The following TMEM163 variants were observed in gnomAD, a reference collection of about 807,000 sequenced individuals.
The protein encoded by TMEM163 is transmembrane protein 163.
A neutral mutation model predicts 29.3 loss-of-function variants in TMEM163; 17 were observed. That is an observed-to-expected ratio of 0.58 (90% CI 0.40 to 0.87). TMEM163 has a LOEUF of 0.87. Ranked by LOEUF, TMEM163 falls within the 40% of genes least tolerant of loss-of-function variation. The pLI is 0.00. For missense variants in TMEM163, 303 were observed against 381.5 expected, an observed-to-expected ratio of 0.79 and a Z score of 1.71; for synonymous variants, 157 against 160.6, an observed-to-expected ratio of 0.98 and a Z score of 0.17.
chr2:134,498,612 G>A (rs55703835), intron 5 of TMEM163, among the ~76,000 whole-genome samples: 16,400 of 152,148 alleles, frequency 0.11, 1,169 homozygotes, highest in South Asian at 0.2. Flanking sequence ...AATTATAGGC[G>A]TGAGCCACCA....
At chr2:134,683,218 G>C (rs1384328131) in intron 2 of TMEM163, among the ~76,000 whole-genome samples, 1 of 152,166 alleles carries the variant, frequency 6.6e-6, no homozygotes, top group Non-Finnish European at 1.5e-5. Flanking sequence ...ACAACACCAA[G>C]AGTGAGCCCT....
intron 2 of TMEM163, among the ~76,000 whole-genome samples, chr2:134,624,929 T>C (rs1462139319): frequency 6.6e-6 from 1 of 151,932 alleles, no homozygotes; most frequent in Non-Finnish European, 1.5e-5. Flanking sequence ...AAATAAAAAA[T>C]TTAAAAATAA....
At chr2:134,597,559 A>G (rs1375229505) in intron 2 of TMEM163, among the ~76,000 whole-genome samples, 1 of 152,142 alleles carries the variant, frequency 6.6e-6, no homozygotes, top group Non-Finnish European at 1.5e-5. Flanking sequence ...CATCAGGGAT[A>G]TTGGTCTAAA....
intron 2 of TMEM163, among the ~76,000 whole-genome samples, chr2:134,705,021 C>A (rs1311564430): frequency 6.6e-6 from 1 of 151,938 alleles, no homozygotes; most frequent in Non-Finnish European, 1.5e-5. Context: ...ACCAGCCTGG[C>A]CAACATGGCG....
chr2:134,713,681 T>A (rs147415442), intron 1 of TMEM163: 4 of 467,114 alleles, frequency 8.6e-6, no homozygotes, highest in Non-Finnish European at 1.3e-5. Flanking sequence ...CCACAAGACC[T>A]TTCTGTTAGG....
chr2:134,527,239 G>A (rs1680315162), intron 4 of TMEM163, among the ~76,000 whole-genome samples: 1 of 151,878 alleles, frequency 6.6e-6, no homozygotes, highest in African/African-American at 2.4e-5. Flanking sequence ...TCTATACAGT[G>A]TACATGCTTA....
At chr2:134,576,513 G>A (rs892829546) in intron 2 of TMEM163, among the ~76,000 whole-genome samples, 1 of 152,148 alleles carries the variant, frequency 6.6e-6, no homozygotes, top group African/African-American at 2.4e-5. Flanking sequence ...TTGAACAAAT[G>A]GCCCAGCAGG....
At chr2:134,713,674 C>G (rs112281721) in intron 1 of TMEM163, 8 of 470,766 alleles carry the variant, frequency 1.7e-5, no homozygotes, top group Middle Eastern at 3.2e-4. Context: ...TTCCTGCCCA[C>G]AAGACCTTTC....
intron 4 of TMEM163, among the ~76,000 whole-genome samples, chr2:134,536,002 C>T (rs1466964948): frequency 2.6e-5 from 4 of 152,176 alleles, no homozygotes; most frequent in Admixed American, 6.5e-5. Context: ...GGATTATAGG[C>T]ATGAGCCACC....
chr2:134,557,015 A>T (rs1681062504), intron 2 of TMEM163, among the ~76,000 whole-genome samples: 1 of 152,204 alleles, frequency 6.6e-6, no homozygotes. Context: ...AAGAGGCTTC[A>T]TTGAGAAGGG....
chr2:134,580,644 G>A (rs1024667465), intron 2 of TMEM163, among the ~76,000 whole-genome samples: 1 of 152,198 alleles, frequency 6.6e-6, no homozygotes, highest in African/African-American at 2.4e-5. Context: ...GGGCGCAGTG[G>A]CTGCCACCTG....
At chr2:134,684,542 A>G (rs961014293) in intron 2 of TMEM163, among the ~76,000 whole-genome samples, 2 of 152,184 alleles carry the variant, frequency 1.3e-5, no homozygotes, top group South Asian at 4.1e-4. Context: ...GCTATCAGCT[A>G]ATGAGGCTGC....
intron 6 of TMEM163, among the ~76,000 whole-genome samples, chr2:134,459,969 C>T (rs1035541511): frequency 3.9e-5 from 6 of 152,020 alleles, no homozygotes; most frequent in African/African-American, 1.4e-4. Context: ...CCTCGCCCTC[C>T]GCTGCATGCT....
chr2:134,489,606 G>C (rs137896640), intron 5 of TMEM163, among the ~76,000 whole-genome samples: 2 of 151,884 alleles, frequency 1.3e-5, no homozygotes, highest in Admixed American at 1.3e-4. Flanking sequence ...AGTGTGTTAT[G>C]TGCAATATCC....
chr2:134,538,556 C>T (rs373889511), intron 4 of TMEM163, among the ~76,000 whole-genome samples: 25 of 152,328 alleles, frequency 1.6e-4, no homozygotes, highest in African/African-American at 5.8e-4. Flanking sequence ...GGAAACAACA[C>T]AAATGCCCAT....
chr2:134,667,774 A>G (rs1014974435), intron 2 of TMEM163, among the ~76,000 whole-genome samples: 1 of 152,244 alleles, frequency 6.6e-6, no homozygotes, highest in African/African-American at 2.4e-5. Flanking sequence ...GAGCTGGAGT[A>G]TTTGTGTGCT....
chr2:134,457,695 A>C (rs113632959), intron 7 of TMEM163, among the ~76,000 whole-genome samples: 1,906 of 152,336 alleles, frequency 0.013, 34 homozygotes, highest in African/African-American at 0.044. Context: ...GAAACCACGC[A>C]AAGGTGCTTC....
rs115000093 is a variant in TMEM163 at position 134,562,229 on chromosome 2, T to C, written c.323-10138A>G. Among the ~76,000 whole-genome samples, 1,011 of 152,254 alleles carry C rather than the reference T, an allele frequency of 6.6e-3. 12 individuals are homozygous for C. Among genetic ancestry groups the C allele is most frequent in the African/African-American group, 0.023 (960 of 41,528 alleles). On this transcript the variant is annotated intron_variant, in intron 2 of 7. Transcript: ENST00000281924. ...TAAAACACAGAAATGCTCCTTGCCTTCTCCCAAGCAGCACACAAAAGCGTG... is the reference window on the plus strand; with the variant it reads ...TAAAACACAGAAATGCTCCTTGCCTCCTCCCAAGCAGCACACAAAAGCGTG...
intron 1 of TMEM163, among the ~76,000 whole-genome samples, chr2:134,714,171 T>G (rs1684988290): frequency 6.6e-6 from 1 of 152,208 alleles, no homozygotes; most frequent in Non-Finnish European, 1.5e-5. Context: ...CAGAATGTCT[T>G]GATTTATAGG....
Sources: gnomAD v4.1 joint callset for allele counts (sites outside exome capture counted in the v4.1 genomes callset) on GRCh38, gnomAD v4.1.1 for gene constraint, MANE v1.5 for transcripts, NCBI Gene and HGNC (gene_info 2026-07-23, HGNC 2026-07-21) for gene names.